The following METTL8 variants were observed in gnomAD, a reference collection of about 807,000 sequenced individuals.
METTL8 encodes tRNA N(3)-cytidine methyltransferase METTL8, mitochondrial.
A neutral mutation model predicts 48.7 loss-of-function variants in METTL8; 32 were observed. That is an observed-to-expected ratio of 0.66 (90% CI 0.50 to 0.88). The LOEUF is 0.88. Ranked by LOEUF, METTL8 falls within the 40% of genes least tolerant of loss-of-function variation. The probability of loss-of-function intolerance (pLI) is 0.00; values close to 1 mark genes in which losing one functional copy is unlikely to be tolerated. For synonymous variants in METTL8, 136 were observed against 157.1 expected, an observed-to-expected ratio of 0.87 and a Z score of 1.01; for missense variants, 464 against 474.4, an observed-to-expected ratio of 0.98 and a Z score of 0.20.
chr2:171,382,824 G>C (rs760739585), intron 2 of METTL8, among the ~76,000 whole-genome samples: 3 of 152,156 alleles, frequency 2.0e-5, no homozygotes, highest in African/African-American at 7.2e-5. Flanking sequence ...TGTAATCCCA[G>C]CACCTTGGGA....
chr2:171,344,408 A>T (rs1687071874), intron 3 of METTL8, among the ~76,000 whole-genome samples: 1 of 152,134 alleles, frequency 6.6e-6, no homozygotes. Context: ...GTCAATATGA[A>T]CCCCCTGAAA....
intron 1 of METTL8, among the ~76,000 whole-genome samples, chr2:171,410,797 T>C (rs184218160): frequency 3.3e-5 from 5 of 152,328 alleles, no homozygotes; most frequent in Admixed American, 3.3e-4. Context: ...ATAATACTCA[T>C]TAAGATACAG....
intron 1 of METTL8, among the ~76,000 whole-genome samples, chr2:171,392,486 T>C (rs1688666851): frequency 6.6e-6 from 1 of 152,202 alleles, no homozygotes; most frequent in Admixed American, 6.5e-5. Context: ...TTTTAGCACA[T>C]GATCAAAGCA....
At chr2:171,416,368 A>C (rs1311456017) in intron 1 of METTL8, among the ~76,000 whole-genome samples, 1 of 152,236 alleles carries the variant, frequency 6.6e-6, no homozygotes, top group Admixed American at 6.5e-5. Flanking sequence ...ATTTCAGTGA[A>C]GACTTTGGGA....
chr2:171,418,056 G>A (rs2105645203), intron 1 of METTL8, among the ~76,000 whole-genome samples: 2 of 152,070 alleles, frequency 1.3e-5, no homozygotes, highest in South Asian at 2.1e-4. Context: ...CCTTTCTCCT[G>A]CCTTAGCCTC....
chr2:171,347,847 C>T (rs1178014), intron 3 of METTL8, among the ~76,000 whole-genome samples: 98,686 of 151,984 alleles, frequency 0.65, 32,664 homozygotes, highest in East Asian at 0.86. Context: ...TACTCTCTGG[C>T]CATATTCCCC....
chr2:171,407,080 G>A (rs955736227), intron 1 of METTL8, among the ~76,000 whole-genome samples: 1 of 152,130 alleles, frequency 6.6e-6, no homozygotes, highest in African/African-American at 2.4e-5. Context: ...TGGTGGAAGT[G>A]AAGGAAAATA....
At chr2:171,375,727 G>T (rs1274910773) in intron 2 of METTL8, among the ~76,000 whole-genome samples, 1 of 151,996 alleles carries the variant, frequency 6.6e-6, no homozygotes, top group Non-Finnish European at 1.5e-5. Flanking sequence ...CAGTAAAAAG[G>T]AACAAACTAT....
chr2:171,398,631 C>T (rs1026422412), intron 1 of METTL8, among the ~76,000 whole-genome samples: 5 of 152,044 alleles, frequency 3.3e-5, no homozygotes, highest in East Asian at 1.9e-4. Flanking sequence ...ATGTACAATA[C>T]GAGGACTACA....
At chr2:171,360,915 T>G (rs188256249) in intron 2 of METTL8, among the ~76,000 whole-genome samples, 23 of 152,386 alleles carry the variant, frequency 1.5e-4, no homozygotes, top group Admixed American at 2.6e-4. Context: ...AACACTTGTA[T>G]TCTAACACTT....
intron 2 of METTL8, among the ~76,000 whole-genome samples, chr2:171,372,591 G>A (rs1236405506): frequency 4.0e-5 from 6 of 151,704 alleles, no homozygotes; most frequent in Admixed American, 6.6e-5. Context: ...CCATTAACTC[G>A]TCATTTACAT....
chr2:171,384,031 G>T (rs1435893901), intron 2 of METTL8, among the ~76,000 whole-genome samples: 1 of 152,190 alleles, frequency 6.6e-6, no homozygotes, highest in East Asian at 1.9e-4. Context: ...CAGGGGAACA[G>T]CCCAAATGTC....
chr2:171,334,183 CA>C (rs1685844351), intron 5 of METTL8, among the ~76,000 whole-genome samples: 1 of 152,188 alleles, frequency 6.6e-6, no homozygotes, highest in Admixed American at 6.5e-5. Context: ...AAAAGGTCTG[CA>C]GTCTACCTTT....
At chr2:171,338,747 T>C (rs1686395539) in intron 4 of METTL8, among the ~76,000 whole-genome samples, 1 of 152,100 alleles carries the variant, frequency 6.6e-6, no homozygotes, top group Non-Finnish European at 1.5e-5. Flanking sequence ...AAATTTTCTA[T>C]AATCAATATA....
intron 3 of METTL8, among the ~76,000 whole-genome samples, chr2:171,340,924 C>G (rs1686683606): frequency 6.6e-6 from 1 of 152,170 alleles, no homozygotes; most frequent in Non-Finnish European, 1.5e-5. Context: ...TTCTGATGCT[C>G]TTAAAACAAA....
intron 4 of METTL8, 29 bp from the exon 5 acceptor site, chr2:171,337,531 A>G: frequency 1.3e-6 from 2 of 1,578,818 alleles, no homozygotes; most frequent in Non-Finnish European, 1.7e-6. Flanking sequence ...GCAAATATCA[A>G]AAAAAGCAAG....
chr2:171,417,925 T>C (rs1691474653), intron 1 of METTL8, among the ~76,000 whole-genome samples: 1 of 152,208 alleles, frequency 6.6e-6, no homozygotes, highest in African/African-American at 2.4e-5. Context: ...CGGGACCCCT[T>C]ATTACATGAG....
chr2:171,417,205 T>C (rs976284360), intron 1 of METTL8, among the ~76,000 whole-genome samples: 1 of 152,206 alleles, frequency 6.6e-6, no homozygotes, highest in African/African-American at 2.4e-5. Context: ...ATATGAAGCA[T>C]GAAACTGGGT....
rs561161772 is a variant in METTL8, at chr2:171,386,264, T to C, written c.143+5779A>G. On this transcript the variant is annotated intron_variant, in intron 2 of 9. Coordinates refer to ENST00000375258, the MANE Select transcript of METTL8 (RefSeq NM_001321154.2). ...TGAGGAGCTTGCCTAAGATCAGAAG[T>C]TGCTCTGGAGATTTAATTGCCTGGC... 5.9e-5 allele frequency among the ~76,000 whole-genome samples: 9 copies of C among 152,346 alleles called. No homozygotes were observed. The South Asian group carries it at 1.9e-3, about 32-fold the overall frequency.
Sources: gnomAD v4.1 joint callset for allele counts (sites outside exome capture counted in the v4.1 genomes callset) on GRCh38, gnomAD v4.1.1 for gene constraint, MANE v1.5 for transcripts, NCBI Gene and HGNC (gene_info 2026-07-23, HGNC 2026-07-21) for gene names.